Variants in PTPRM observed in about 807,000 individuals in gnomAD.
The protein encoded by PTPRM is receptor-type tyrosine-protein phosphatase mu.
PTPRM carries 47 observed loss-of-function variants against 186.7 expected under a neutral mutation model. The ratio of observed to expected loss-of-function variants is 0.25; its 90% CI spans 0.20 to 0.32. PTPRM has a LOEUF of 0.32. Among genes scored for constraint, PTPRM ranks in the 10% least tolerant of loss-of-function variants. The pLI is 1.00. For missense variants in PTPRM, 1,494 were observed against 1,865.0 expected, an observed-to-expected ratio of 0.80 and a Z score of 3.66; for synonymous variants, 668 against 674.9, an observed-to-expected ratio of 0.99 and a Z score of 0.16.
intron 3 of PTPRM, among the ~76,000 whole-genome samples, chr18:7,898,474 G>A (rs959281136): frequency 7.2e-5 from 11 of 152,182 alleles, no homozygotes; most frequent in African/African-American, 2.7e-4. Flanking sequence ...AACTGCTTCT[G>A]CATTTCTCCT....
chr18:8,353,900 CAAA>C (rs2095549086), intron 23 of PTPRM, among the ~76,000 whole-genome samples: 1 of 152,008 alleles, frequency 6.6e-6, no homozygotes, highest in Non-Finnish European at 1.5e-5. Context: ...AACTATGGGA[CAAA>C]AAGGCAAACA....
At chr18:7,829,872 C>G (rs2045673006) in intron 2 of PTPRM, among the ~76,000 whole-genome samples, 1 of 151,950 alleles carries the variant, frequency 6.6e-6, no homozygotes, top group Non-Finnish European at 1.5e-5. Context: ...ATTTACTTTC[C>G]CCCCTTTTTT....
At chr18:8,401,381 GA>G (rs2095871334) in intron 32 of PTPRM, among the ~76,000 whole-genome samples, 2 of 152,200 alleles carry the variant, frequency 1.3e-5, no homozygotes, top group Non-Finnish European at 2.9e-5. Context: ...GCAGGGATGA[GA>G]ATTTATTGGT....
chr18:7,972,478 T>TAAAAAAAAAAAAAAAAAAA (rs1491072208), intron 7 of PTPRM, among the ~76,000 whole-genome samples: 8 of 8,124 alleles, frequency 9.8e-4, no homozygotes, highest in Non-Finnish European at 2.0e-3. Context: ...AAAAAAAACA[T>TAAAAAAAAAAAAAAAAAAA]TAAAAAAAAA....
At chr18:8,122,291 C>T (rs535266478) in intron 13 of PTPRM, 2 of 152,738 alleles carry the variant, frequency 1.3e-5, no homozygotes, top group South Asian at 2.1e-4. Flanking sequence ...GCATCGCCCC[C>T]GCTGCAGGCG....
At chr18:8,303,331 A>G (rs2095181765) in intron 20 of PTPRM, among the ~76,000 whole-genome samples, 1 of 152,118 alleles carries the variant, frequency 6.6e-6, no homozygotes. Flanking sequence ...AGGTGTGACT[A>G]ATCAGTGACT....
intron 13 of PTPRM, among the ~76,000 whole-genome samples, chr18:8,116,921 G>A (rs1440304962): frequency 6.6e-6 from 1 of 152,106 alleles, no homozygotes; most frequent in African/African-American, 2.4e-5. Context: ...CCTCTTTTGG[G>A]GAAAGAGGGA....
At chr18:8,097,598 T>A (rs1446333778) in intron 11 of PTPRM, among the ~76,000 whole-genome samples, 1 of 152,170 alleles carries the variant, frequency 6.6e-6, no homozygotes, top group Non-Finnish European at 1.5e-5. Flanking sequence ...GTGCTAGGGT[T>A]GTGATAAAAG....
At chr18:8,126,253 T>A (rs1343605057) in intron 13 of PTPRM, among the ~76,000 whole-genome samples, 4 of 151,220 alleles carry the variant, frequency 2.6e-5, no homozygotes, top group Non-Finnish European at 4.4e-5. Context: ...TTATTGTGAG[T>A]AAATTTTGAT....
chr18:8,006,344 T>G (rs2084184338), intron 7 of PTPRM, among the ~76,000 whole-genome samples: 1 of 152,192 alleles, frequency 6.6e-6, no homozygotes, highest in African/African-American at 2.4e-5. Flanking sequence ...GATCAGTGTT[T>G]CCATGAGTGA....
intron 1 of PTPRM, among the ~76,000 whole-genome samples, chr18:7,606,769 A>G (rs1207791305): frequency 2.0e-5 from 3 of 152,178 alleles, no homozygotes; most frequent in Non-Finnish European, 4.4e-5. Flanking sequence ...TTCTCCAGGC[A>G]CAGACCTTGG....
intron 2 of PTPRM, among the ~76,000 whole-genome samples, chr18:7,783,133 A>G (rs1645375134): frequency 6.6e-6 from 1 of 152,220 alleles, no homozygotes; most frequent in Non-Finnish European, 1.5e-5. Flanking sequence ...GCTGATCATG[A>G]CAGATGTTGT....
intron 19 of PTPRM, among the ~76,000 whole-genome samples, chr18:8,277,841 C>T (rs180770690): frequency 2.6e-5 from 4 of 152,220 alleles, no homozygotes; most frequent in East Asian, 1.9e-4. Context: ...TGTTAACTAA[C>T]GCAGTGAGGT....
chr18:8,139,277 A>G (rs929400378), intron 13 of PTPRM, among the ~76,000 whole-genome samples: 6 of 152,000 alleles, frequency 3.9e-5, no homozygotes, highest in Admixed American at 3.9e-4. Flanking sequence ...ATCCTAACAC[A>G]CTCGACATCC....
chr18:7,889,696 T>A (rs1391533208), intron 3 of PTPRM, among the ~76,000 whole-genome samples: 1 of 151,692 alleles, frequency 6.6e-6, no homozygotes, highest in East Asian at 1.9e-4. Context: ...GCATAGCACC[T>A]GAGTCTAAAA....
At chr18:7,974,979 TTGGATCAGGAATC>T (rs1236123631) in intron 7 of PTPRM, among the ~76,000 whole-genome samples, 1 of 152,148 alleles carries the variant, frequency 6.6e-6, no homozygotes, top group Non-Finnish European at 1.5e-5. Context: ...TGGTTTAGGG[TTGGATCAGGAATC>T]TGCATTTTTA....
chr18:8,100,175 G>A (rs2091226589), intron 11 of PTPRM, among the ~76,000 whole-genome samples: 1 of 151,986 alleles, frequency 6.6e-6, no homozygotes, highest in African/African-American at 2.4e-5. Context: ...GTCTTACTCT[G>A]TCACCCAGGC....
At chr18:8,359,299 T>C (rs1247878373) in intron 23 of PTPRM, among the ~76,000 whole-genome samples, 1 of 152,260 alleles carries the variant, frequency 6.6e-6, no homozygotes, top group Non-Finnish European at 1.5e-5. Context: ...CACGCTCTCC[T>C]GGCTCCTCCA....
At chr18:8,255,076 A>G (rs1251889622) in intron 19 of PTPRM, among the ~76,000 whole-genome samples, 2 of 152,240 alleles carry the variant, frequency 1.3e-5, no homozygotes, top group African/African-American at 4.8e-5. Flanking sequence ...CTGCCTTTGC[A>G]TATTTCCTCA....
Sources: gnomAD v4.1 joint callset for allele counts (sites outside exome capture counted in the v4.1 genomes callset) on GRCh38, gnomAD v4.1.1 for gene constraint, MANE v1.5 for transcripts, NCBI Gene and HGNC (gene_info 2026-07-23, HGNC 2026-07-21) for gene names.